DCTN5: variants seen among roughly 807,000 people sequenced by gnomAD.
The protein encoded by DCTN5 is dynactin subunit 5.
In DCTN5, 14 loss-of-function variants were observed where a neutral mutation model predicts 23.5. That is an observed-to-expected ratio of 0.60 (90% CI 0.39 to 0.93). The LOEUF (loss-of-function observed/expected upper bound fraction) is 0.93. Among genes scored for constraint, DCTN5 ranks in the 40% least tolerant of loss-of-function variants. The pLI is 0.00. For synonymous variants in DCTN5, 67 were observed against 79.6 expected (o/e 0.84, Z 0.84); for missense variants, 156 against 225.9 (o/e 0.69, Z 1.98).
At chr16:23,648,759 G>C (rs1967532150) in intron 2 of DCTN5, among the ~76,000 whole-genome samples, 1 of 152,110 alleles carries the variant, frequency 6.6e-6, no homozygotes, top group East Asian at 1.9e-4. Flanking sequence ...ATCCTCACTA[G>C]TATTTGTTAT....
chr16:23,658,549 A>C lies in DCTN5; in HGVS notation c.160A>C (p.Asn54His), dbSNP rs1967753895. The C allele has an allele frequency of 6.2e-7, 1 of 1,614,216 alleles. No individual in the cohort carries two copies. Among genetic ancestry groups the C allele is most frequent in the Non-Finnish European group, 8.5e-7 (1 of 1,180,022 alleles). ...CTGTATTATCCGAGGGGATCTGGCA[A>C]ATGTAAGAGTTGGACGTCATTGTGT... ...NDCIIRGDLA[N>H]VRVGRHCVVK... Residue 54 changes from asparagine to histidine, a missense_variant, in exon 3 of 6, where the codon AAT (asparagine) becomes CAT (histidine). Asn to His is a moderately conservative substitution (Grantham distance 68, BLOSUM62 1). Coordinates refer to ENST00000300087, the MANE Select transcript of DCTN5 (RefSeq NM_032486.4).
chr16:23,658,265 G>A (rs887569853), intron 2 of DCTN5, among the ~76,000 whole-genome samples: 4 of 152,208 alleles, frequency 2.6e-5, no homozygotes, highest in African/African-American at 4.8e-5. Flanking sequence ...CATTCAGTGA[G>A]TTCTATTCAT....
intron 2 of DCTN5, among the ~76,000 whole-genome samples, chr16:23,644,332 G>A (rs903461322): frequency 1.6e-5 from 2 of 122,728 alleles, no homozygotes; most frequent in African/African-American, 6.4e-5. Flanking sequence ...ATGGAGTCTC[G>A]CCCTGTTGCC....
intron 2 of DCTN5, among the ~76,000 whole-genome samples, chr16:23,654,333 A>G (rs1002147541): frequency 6.6e-6 from 1 of 152,234 alleles, no homozygotes; most frequent in South Asian, 2.1e-4. Flanking sequence ...ACCATGAAAT[A>G]CAATGCAGCC....
intron 1 of DCTN5, among the ~76,000 whole-genome samples, chr16:23,642,216 A>G (rs747831189): frequency 3.5e-4 from 53 of 152,300 alleles, no homozygotes; most frequent in Admixed American, 7.2e-4. Context: ...TACAGGCGTG[A>G]GCCACCGCAC....
In DCTN5 at chr16:23,673,772, T is replaced by G. The variant is rs1307207634; in HGVS notation, c.*6628T>G. The G allele has an allele frequency of 6.6e-6, 1 of 152,248 alleles. No homozygotes were observed. The highest frequency in any genetic ancestry group is 1.5e-5 in the Non-Finnish European group (1 of 68,042). 9.4% of individuals were successfully genotyped at this position (152,248 alleles called of 1,614,324 possible). A position where few individuals can be genotyped will look rare whatever the true frequency, so the allele number is the denominator to read the frequency against. On this transcript the variant is annotated 3_prime_UTR_variant, in exon 6 of 6. Coordinates refer to ENST00000300087, the MANE Select transcript of DCTN5 (RefSeq NM_032486.4). ...GGAACCAGAACAGGCTGTAACTGAT[T>G]ATTTTTGCTGTGATTCGTGCTTACT...
rs1020865156 is a variant in DCTN5 at position 23,670,796 on chromosome 16, A to G, written c.*3652A>G. On this transcript the variant is annotated 3_prime_UTR_variant, in exon 6 of 6. Transcript: ENST00000300087. ...GAAACACTTCTAGAGCCCCCCAGCA[A>G]TGGGCTTGTGCTTTTAGTAGAATAT... is the stretch of plus-strand genomic sequence containing the variant. 1.3e-5 allele frequency: 2 copies of G among 152,234 alleles called. No homozygotes were observed. The highest frequency in any genetic ancestry group is 6.5e-5 in the Admixed American group (1 of 15,290). 9.4% of individuals were successfully genotyped at this position (152,234 alleles called of 1,614,324 possible).
At chr16:23,641,845 T>C (rs1016656838) in intron 1 of DCTN5, among the ~76,000 whole-genome samples, 1 of 152,186 alleles carries the variant, frequency 6.6e-6, no homozygotes, top group African/African-American at 2.4e-5. Context: ...AGTCCCATCC[T>C]GTTCATACGA....
At chr16:23,662,184 T>C (rs1190938634) in intron 4 of DCTN5, among the ~76,000 whole-genome samples, 1 of 152,094 alleles carries the variant, frequency 6.6e-6, no homozygotes, top group African/African-American at 2.4e-5. Context: ...TTCACGGAGC[T>C]TACAGTCTAA....
chr16:23,665,320 A>T (rs1386954129), intron 4 of DCTN5, among the ~76,000 whole-genome samples: 1 of 152,220 alleles, frequency 6.6e-6, no homozygotes, highest in Non-Finnish European at 1.5e-5. Context: ...AAGCAAAAGC[A>T]CAAATGTCCA....
chr16:23,643,643 G>A (rs894502226), intron 2 of DCTN5, among the ~76,000 whole-genome samples: 12 of 152,044 alleles, frequency 7.9e-5, no homozygotes, highest in East Asian at 5.8e-4. Flanking sequence ...AAGTGTAACA[G>A]GTAATGAAAT....
rs377722030 is a variant in DCTN5, at chr16:23,669,111, A to T, written c.*1967A>T. On this transcript the variant is annotated 3_prime_UTR_variant, in exon 6 of 6. Coordinates refer to ENST00000300087, the MANE Select transcript of DCTN5 (RefSeq NM_032486.4). Reference sequence around the variant, plus strand: ...CTCCATGGTGGCTCTCACCCCAGGGACCTAGGAACAGCCTGTCACCACACA... The same window carrying T: ...CTCCATGGTGGCTCTCACCCCAGGGTCCTAGGAACAGCCTGTCACCACACA... The T allele has an allele frequency of 2.0e-5, 3 of 152,732 alleles. No homozygotes were observed. The highest frequency in any genetic ancestry group is 7.2e-5 in the African/African-American group (3 of 41,568). 9.5% of individuals were successfully genotyped at this position (152,732 alleles called of 1,614,324 possible). A position where few individuals can be genotyped will look rare whatever the true frequency, so the allele number is the denominator to read the frequency against.
intron 2 of DCTN5, among the ~76,000 whole-genome samples, chr16:23,655,252 C>T (rs1167976277): frequency 6.6e-6 from 1 of 152,170 alleles, no homozygotes; most frequent in East Asian, 1.9e-4. Flanking sequence ...CCCACAAACT[C>T]ATTTACCAGC....
chr16:23,664,465 A>T (rs889206647), intron 4 of DCTN5, among the ~76,000 whole-genome samples: 2 of 152,238 alleles, frequency 1.3e-5, no homozygotes, highest in Admixed American at 6.5e-5. Context: ...ACTGGTTAGC[A>T]TTGTCCTGGT....
chr16:23,665,089 A>G (rs2140987639), intron 4 of DCTN5, among the ~76,000 whole-genome samples: 1 of 152,208 alleles, frequency 6.6e-6, no homozygotes, highest in African/African-American at 2.4e-5. Context: ...TCCTCTGGAA[A>G]CCCCAGTGGG....
chr16:23,661,329 C>A, intron 4 of DCTN5, 48 bp downstream of exon 4: 2 of 1,344,340 alleles, frequency 1.5e-6, no homozygotes, highest in South Asian at 1.2e-5. Flanking sequence ...TTCCCTTCAG[C>A]TCCCATCCCT....
intron 2 of DCTN5, among the ~76,000 whole-genome samples, chr16:23,654,351 A>G (rs1029456139): frequency 2.6e-5 from 4 of 152,222 alleles, no homozygotes; most frequent in African/African-American, 9.6e-5. Flanking sequence ...GCCATAAAAA[A>G]GAATGAGATC....
At chr16:23,650,965 G>C in intron 2 of DCTN5, 5 of 1,421,716 alleles carry the variant, frequency 3.5e-6, no homozygotes, top group Non-Finnish European at 4.7e-6. Flanking sequence ...GCTTTCCAGA[G>C]CGTCTGATTC....
At chr16:23,641,979 C>T (rs962403773) in intron 1 of DCTN5, among the ~76,000 whole-genome samples, 1 of 152,148 alleles carries the variant, frequency 6.6e-6, no homozygotes, top group Non-Finnish European at 1.5e-5. Context: ...TCGCCCAGTC[C>T]TGAGGGCCGC....
Sources: allele counts gnomAD v4.1 joint callset (sites outside exome capture counted in the v4.1 genomes callset), GRCh38; gene constraint gnomAD v4.1.1; transcripts MANE v1.5; gene names NCBI Gene and HGNC (gene_info 2026-07-23, HGNC 2026-07-21).